The following GRIK4 variants were observed in gnomAD, a reference collection of about 807,000 sequenced individuals.
GRIK4 encodes glutamate ionotropic receptor kainate type subunit 4.
GRIK4 carries 40 observed loss-of-function variants against 104.9 expected under a neutral mutation model. That is an observed-to-expected ratio of 0.38 (90% confidence interval 0.30 to 0.50). The LOEUF is 0.50. Among genes scored for constraint, GRIK4 ranks in the 20% least tolerant of loss-of-function variants. The pLI, the probability that GRIK4 is intolerant of heterozygous loss-of-function variation, is 0.93. For synonymous variants in GRIK4, 485 were observed against 524.9 expected (o/e 0.92, Z 1.04); for missense variants, 1,047 against 1,308.1 (o/e 0.80, Z 3.08).
chr11:120,923,473 C>T (rs1289594951), intron 13 of GRIK4, among the ~76,000 whole-genome samples: 9 of 129,230 alleles, frequency 7.0e-5, no homozygotes, highest in Admixed American at 6.0e-4. Context: ...AGTGCAGTGG[C>T]GCGATCTCGG....
chr11:120,649,870 T>C (rs1949595426), intron 1 of GRIK4, among the ~76,000 whole-genome samples: 1 of 152,242 alleles, frequency 6.6e-6, no homozygotes, highest in African/African-American at 2.4e-5. Flanking sequence ...ATTTGATTCC[T>C]CTGTGGGCAC....
intron 3 of GRIK4, among the ~76,000 whole-genome samples, chr11:120,674,664 A>G (rs560286375): frequency 1.3e-5 from 2 of 152,376 alleles, no homozygotes; most frequent in South Asian, 4.1e-4. Context: ...TTATCTAGCA[A>G]CAGTTATAAA....
intron 7 of GRIK4, 133 bp from the exon 8 acceptor site, chr11:120,836,658 C>G: frequency 2.9e-6 from 2 of 698,436 alleles, no homozygotes; most frequent in Admixed American, 4.0e-5. Context: ...AAGAACTAAT[C>G]AAGATGTTCT....
intron 11 of GRIK4, among the ~76,000 whole-genome samples, chr11:120,896,248 G>A (rs1484424844): frequency 1.3e-5 from 2 of 152,260 alleles, no homozygotes; most frequent in South Asian, 4.1e-4. Context: ...GGGCTTAAGA[G>A]TGCAGGGCTT....
chr11:120,614,146 C>G (rs1949074545), intron 1 of GRIK4, among the ~76,000 whole-genome samples: 1 of 152,184 alleles, frequency 6.6e-6, no homozygotes, highest in Admixed American at 6.5e-5. Context: ...TGGCCTGCCC[C>G]CCATGTAGGC....
At chr11:120,690,038 A>G (rs959484262) in intron 3 of GRIK4, among the ~76,000 whole-genome samples, 1 of 152,210 alleles carries the variant, frequency 6.6e-6, no homozygotes, top group African/African-American at 2.4e-5. Context: ...ATTTCAGGCA[A>G]AAAGCAACAT....
intron 12 of GRIK4, among the ~76,000 whole-genome samples, chr11:120,900,932 C>T (rs1942719292): frequency 6.6e-6 from 1 of 152,166 alleles, no homozygotes; most frequent in African/African-American, 2.4e-5. Context: ...GGAGGGGGTG[C>T]AGCACCCAGT....
chr11:120,560,883 G>A (rs1039434239), intron 1 of GRIK4, among the ~76,000 whole-genome samples: 1 of 152,144 alleles, frequency 6.6e-6, no homozygotes, highest in Non-Finnish European at 1.5e-5. Flanking sequence ...GATCTCGTGG[G>A]GGATTTTCTG....
intron 8 of GRIK4, among the ~76,000 whole-genome samples, chr11:120,854,263 A>T (rs1412784408): frequency 6.6e-6 from 1 of 152,356 alleles, no homozygotes; most frequent in South Asian, 2.1e-4. Context: ...TCAGAGGCTG[A>T]GGCTTGGGTG....
chr11:120,754,402 G>A (rs1405257574), intron 3 of GRIK4, among the ~76,000 whole-genome samples: 3 of 152,140 alleles, frequency 2.0e-5, no homozygotes, highest in Non-Finnish European at 2.9e-5. Flanking sequence ...AGGCTCATCC[G>A]GGTTGTAGCG....
rs1952646305 is a variant in GRIK4 at position 120,802,845 on chromosome 11, A to T, written c.235A>T (p.Thr79Ser). The T allele has an allele frequency of 6.2e-7, 1 of 1,614,054 alleles. No homozygotes were observed. The change falls in exon 4 of 21, where the codon ACT becomes TCT. Residue 79 changes from threonine (T) to serine (S), a missense_variant. Physicochemically the swap from Thr to Ser is moderately conservative, Grantham distance 58. Coordinates refer to ENST00000527524, the MANE Select transcript of GRIK4 (RefSeq NM_014619.5). ...GCTTCTCAGAGACAGCGAGTACGAGACTGCAGAAACCAGTACGTAGACTGG... is the reference window on the plus strand; with the variant it reads ...GCTTCTCAGAGACAGCGAGTACGAGTCTGCAGAAACCAGTACGTAGACTGG... ...FELLRDSEYE[T>S]AETMCQILPK...
chr11:120,571,437 AG>A (rs1388956161), intron 1 of GRIK4, among the ~76,000 whole-genome samples: 2 of 152,084 alleles, frequency 1.3e-5, no homozygotes, highest in Non-Finnish European at 2.9e-5. Flanking sequence ...CCTTTTGCTT[AG>A]GTTAGTCCCT....
At chr11:120,807,464 G>A (rs1323077248) in intron 4 of GRIK4, among the ~76,000 whole-genome samples, 1 of 152,088 alleles carries the variant, frequency 6.6e-6, no homozygotes, top group Non-Finnish European at 1.5e-5. Context: ...AGGCGCCCTG[G>A]TTATCCGGGC....
chr11:120,692,362 T>C lies in GRIK4; in HGVS notation c.82+31962T>C, dbSNP rs181573853. On this transcript the variant is annotated intron_variant, in intron 3 of 20. Coordinates refer to ENST00000527524, the MANE Select transcript of GRIK4 (RefSeq NM_014619.5). ...AAAACCTAAACCATTGTCTTTGTGCTGAGTGCTGGGGATACAGAGATGGGT... is the reference window on the plus strand; with the variant it reads ...AAAACCTAAACCATTGTCTTTGTGCCGAGTGCTGGGGATACAGAGATGGGT... Among the ~76,000 whole-genome samples the C allele has an allele frequency of 4.6e-5, 7 of 152,340 alleles. No homozygotes were observed. In the East Asian group the frequency reaches 7.7e-4, roughly 17 times the overall value.
At chr11:120,648,020 C>T (rs981488339) in intron 1 of GRIK4, among the ~76,000 whole-genome samples, 1 of 152,168 alleles carries the variant, frequency 6.6e-6, no homozygotes, top group Non-Finnish European at 1.5e-5. Context: ...CAGCCTTTTT[C>T]CCTCTTCTGG....
At chr11:120,803,100 C>G (rs963578228) in intron 4 of GRIK4, among the ~76,000 whole-genome samples, 2 of 152,224 alleles carry the variant, frequency 1.3e-5, no homozygotes, top group Admixed American at 1.3e-4. Context: ...CATTCATCCA[C>G]TCATTCATTG....
chr11:120,549,998 G>C lies in GRIK4; in HGVS notation c.-159+38111G>C, dbSNP rs921682746. On this transcript the variant is annotated intron_variant, in intron 1 of 20. Transcript: ENST00000527524. This position sits in a 1 kb window ranked among gnomAD's most constrained non-coding sequence, Gnocchi z 4.7. Reference sequence around the variant, plus strand: ...ACTTGCAAGGGGTTTGGTTCTAAGTGCAATGAAAAGCCATTAAAGGAATTT... The same window carrying C: ...ACTTGCAAGGGGTTTGGTTCTAAGTCCAATGAAAAGCCATTAAAGGAATTT... Among the ~76,000 whole-genome samples, 4 of 152,128 alleles carry C rather than the reference G, an allele frequency of 2.6e-5. No homozygotes were observed. Among genetic ancestry groups the C allele is most frequent in the Non-Finnish European group, 4.4e-5 (3 of 68,034 alleles).
At chr11:120,685,814 C>T (rs941113837) in intron 3 of GRIK4, among the ~76,000 whole-genome samples, 1 of 152,174 alleles carries the variant, frequency 6.6e-6, no homozygotes, top group Non-Finnish European at 1.5e-5. Context: ...TTGCTAACAA[C>T]TCCTTTCTTG....
chr11:120,573,110 A>G (rs1240705811), intron 1 of GRIK4, among the ~76,000 whole-genome samples: 1 of 152,216 alleles, frequency 6.6e-6, no homozygotes. Flanking sequence ...CCTCGAGGCC[A>G]TGAGCCAGGT....
Sources: gnomAD v4.1 joint callset for allele counts (sites outside exome capture counted in the v4.1 genomes callset) on GRCh38, gnomAD v4.1.1 for gene constraint, Gnocchi (gnomAD v3.1) non-coding constraint, MANE v1.5 for transcripts, NCBI Gene and HGNC (gene_info 2026-07-23, HGNC 2026-07-21) for gene names.